The following DACH2 variants were observed in gnomAD, a reference collection of about 807,000 sequenced individuals.
DACH2 encodes the protein dachshund homolog 2.
In DACH2, 17 loss-of-function variants were observed where a neutral mutation model predicts 35.8. The ratio of observed to expected loss-of-function variants is 0.48; its 90% CI spans 0.33 to 0.71. The LOEUF is 0.71. Ranked by LOEUF, DACH2 falls within the 30% of genes least tolerant of loss-of-function variation. The pLI is 0.02. For synonymous variants in DACH2, 195 were observed against 177.3 expected (o/e 1.10, Z -0.79); for missense variants, 469 against 472.7 (o/e 0.99, Z 0.07).
chrX:86,468,981 G>T (rs1181531875), intron 2 of DACH2, among the ~76,000 whole-genome samples: 1 of 111,380 alleles, frequency 9.0e-6, no homozygotes. Flanking sequence ...AATGGATAAA[G>T]AAAATGTTGT....
At chrX:86,177,945 C>T (rs772410742) in intron 1 of DACH2, among the ~76,000 whole-genome samples, 1 of 111,281 alleles carries the variant, frequency 9.0e-6, no homozygotes, top group South Asian at 3.8e-4. Flanking sequence ...GTTTGAGGCA[C>T]TATGACCCTG....
intron 7 of DACH2, among the ~76,000 whole-genome samples, chrX:86,796,576 T>G (rs954479880): frequency 8.9e-6 from 1 of 112,546 alleles, no homozygotes; most frequent in East Asian, 2.8e-4. Flanking sequence ...TGTTTAAGTC[T>G]GATTACAAGA....
intron 1 of DACH2, among the ~76,000 whole-genome samples, chrX:86,296,239 G>T (rs1290156893): frequency 9.7e-6 from 1 of 103,500 alleles, no homozygotes; most frequent in Non-Finnish European, 2.0e-5. Context: ...AAATTAGCCG[G>T]GCGTGATGGT....
intron 2 of DACH2, among the ~76,000 whole-genome samples, chrX:86,445,075 C>A (rs1316528526): frequency 9.0e-6 from 1 of 110,713 alleles, no homozygotes; most frequent in Non-Finnish European, 1.9e-5. Context: ...GGGTTTAATT[C>A]ATTCTTGTTT....
rs73631948 is a variant in DACH2 at position 86,460,603 on chromosome X, G to T, written c.528-53676G>T. On this transcript the variant is annotated intron_variant, in intron 2 of 11. Transcript: ENST00000373125. ...TAAAATTAGCTATTTTAAATATAAA[G>T]GTCTAAAATTTTTAGATTATGAATT... Among the ~76,000 whole-genome samples, 308 of 110,243 alleles carry T rather than the reference G, an allele frequency of 2.8e-3. 1 individual carries two copies. Among genetic ancestry groups the T allele is most frequent in the African/African-American group, 9.9e-3 (303 of 30,563 alleles).
intron 2 of DACH2, among the ~76,000 whole-genome samples, chrX:86,509,161 C>T (rs1018650758): frequency 4.5e-5 from 5 of 111,118 alleles, no homozygotes; most frequent in Non-Finnish European, 9.4e-5. Flanking sequence ...AGTATATCTA[C>T]GCTTAAGTTT....
intron 2 of DACH2, among the ~76,000 whole-genome samples, chrX:86,469,264 A>T (rs1398668128): frequency 1.8e-5 from 2 of 111,014 alleles, no homozygotes; most frequent in African/African-American, 3.3e-5. Flanking sequence ...AATGGAATAC[A>T]TTCAAGGTTT....
At chrX:86,492,017 A>ACTT (rs759417454) in intron 2 of DACH2, among the ~76,000 whole-genome samples, 2 of 111,752 alleles carry the variant, frequency 1.8e-5, no homozygotes, top group South Asian at 7.4e-4. Context: ...TTAATATGAG[A>ACTT]CTTATCCTCT....
At chrX:86,777,846 T>A (rs1248822507) in intron 7 of DACH2, among the ~76,000 whole-genome samples, 1 of 111,773 alleles carries the variant, frequency 8.9e-6, no homozygotes, top group Non-Finnish European at 1.9e-5. Context: ...ATAGTATCTA[T>A]TTTAGTATAA....
intron 9 of DACH2, among the ~76,000 whole-genome samples, chrX:86,814,371 T>A (rs948207662): frequency 8.9e-6 from 1 of 112,085 alleles, no homozygotes; most frequent in Non-Finnish European, 1.9e-5. Context: ...AATCATTAAA[T>A]GCATATAGAG....
chrX:86,526,138 C>T (rs1389736195), intron 3 of DACH2, among the ~76,000 whole-genome samples: 2 of 110,865 alleles, frequency 1.8e-5, no homozygotes, highest in East Asian at 5.7e-4. Flanking sequence ...ACCCATTATA[C>T]TAAAGCATGT....
rs751980978 is a variant in DACH2, at chrX:86,423,742, A to C, written c.527+46880A>C. On this transcript the variant is annotated intron_variant, in intron 2 of 11. Transcript: ENST00000373125. Reference sequence around the variant, plus strand: ...CTCAAGAAAGTTTTGCCCAAACCAAAGTCCTGGAGACTTTTCCCAATGTTT... The same window carrying C: ...CTCAAGAAAGTTTTGCCCAAACCAACGTCCTGGAGACTTTTCCCAATGTTT... Among the ~76,000 whole-genome samples, 3 of 110,702 alleles carry C rather than the reference A, an allele frequency of 2.7e-5. No individual in the cohort carries two copies. The East Asian group carries it at 8.5e-4, about 31-fold the overall frequency.
At chrX:86,609,504 T>C (rs1361448765) in intron 3 of DACH2, among the ~76,000 whole-genome samples, 5 of 112,407 alleles carry the variant, frequency 4.4e-5, no homozygotes, top group Non-Finnish European at 9.4e-5. Flanking sequence ...AATGTTTTCC[T>C]GAATTATCTT....
At chrX:86,306,972 A>G (rs191731729) in intron 1 of DACH2, among the ~76,000 whole-genome samples, 73 of 111,679 alleles carry the variant, frequency 6.5e-4, no homozygotes, top group Admixed American at 5.1e-3. Flanking sequence ...TTTTAATAGC[A>G]TGGAGAACAC....
chrX:86,443,858 G>A (rs928495483), intron 2 of DACH2, among the ~76,000 whole-genome samples: 17 of 111,409 alleles, frequency 1.5e-4, no homozygotes, highest in Admixed American at 5.7e-4. Context: ...CAACTTAATC[G>A]TGGTGACTAA....
chrX:86,715,921 A>G (rs2041330749), intron 6 of DACH2, among the ~76,000 whole-genome samples: 3 of 112,052 alleles, frequency 2.7e-5, no homozygotes, highest in African/African-American at 9.7e-5. Flanking sequence ...GGCAGAGGAA[A>G]TGTGACATTT....
At chrX:86,296,102 G>A (rs892491117) in intron 1 of DACH2, among the ~76,000 whole-genome samples, 10 of 109,955 alleles carry the variant, frequency 9.1e-5, no homozygotes, top group Admixed American at 1.9e-4. Context: ...TATCTTGGCC[G>A]GGCGAGGTGG....
At chrX:86,253,145 A>G (rs933035276) in intron 1 of DACH2, among the ~76,000 whole-genome samples, 8 of 111,108 alleles carry the variant, frequency 7.2e-5, no homozygotes, top group African/African-American at 2.3e-4. Flanking sequence ...GAATCAGATC[A>G]ATAACTCAAC....
intron 5 of DACH2, among the ~76,000 whole-genome samples, chrX:86,698,603 C>T: frequency 1.2e-5 from 1 of 85,709 alleles, no homozygotes. Context: ...TCATGGCTCA[C>T]TGCAGCCTTG....
Sources: allele counts gnomAD v4.1 joint callset (sites outside exome capture counted in the v4.1 genomes callset), GRCh38; gene constraint gnomAD v4.1.1; transcripts MANE v1.5; gene names NCBI Gene and HGNC (gene_info 2026-07-23, HGNC 2026-07-21).